FAM177A1: variants seen among roughly 807,000 people sequenced by gnomAD.
FAM177A1 encodes the protein protein FAM177A1.
Under a neutral mutation model 26.1 loss-of-function variants are expected in FAM177A1, and 22 were observed. That is an observed-to-expected ratio of 0.84 (90% CI 0.60 to 1.20). The LOEUF is 1.20. Among genes scored for constraint, FAM177A1 ranks in the 50% most tolerant of loss-of-function variants. The pLI, the probability that FAM177A1 is intolerant of heterozygous loss-of-function variation, is 0.00. For missense variants in FAM177A1, 296 were observed against 291.1 expected (o/e 1.02, Z -0.12); for synonymous variants, 95 against 99.3 (o/e 0.96, Z 0.26).
chr14:35,064,750 A>G (rs893003794), intron 2 of FAM177A1, among the ~76,000 whole-genome samples: 1 of 151,876 alleles, frequency 6.6e-6, no homozygotes, highest in Non-Finnish European at 1.5e-5. Flanking sequence ...TCCCAGGTTC[A>G]CACCATTCTC....
In FAM177A1 at chr14:35,077,985, C is replaced by T. The variant is rs150167241; in HGVS notation, c.406+769C>T. On this transcript the variant is annotated intron_variant, in intron 3 of 4. Transcript: ENST00000280987. ...AAGGAAATGAATTATCAACTTATAACTTAATAATGCTAATTTAAAATATAG... is the reference window on the plus strand; with the variant it reads ...AAGGAAATGAATTATCAACTTATAATTTAATAATGCTAATTTAAAATATAG... Among the ~76,000 whole-genome samples, 421 of 152,258 alleles carry T rather than the reference C, an allele frequency of 2.8e-3. 3 individuals are homozygous for T. The highest frequency in any genetic ancestry group is 9.9e-3 in the African/African-American group (413 of 41,550).
intron 2 of FAM177A1, among the ~76,000 whole-genome samples, chr14:35,057,504 C>T (rs1410672472): frequency 1.3e-5 from 2 of 151,962 alleles, no homozygotes; most frequent in Admixed American, 1.3e-4. Context: ...CTCAGCTTCC[C>T]GAGTAGTTGG....
chr14:35,069,285 G>GTTT (rs61628117), intron 2 of FAM177A1, among the ~76,000 whole-genome samples: 26 of 137,730 alleles, frequency 1.9e-4, no homozygotes, highest in African/African-American at 3.7e-4. Flanking sequence ...ATTGGAGTAG[G>GTTT]TTTTTTTTTT....
chr14:35,065,027 T>C (rs1042630203), intron 2 of FAM177A1, among the ~76,000 whole-genome samples: 3 of 152,116 alleles, frequency 2.0e-5, no homozygotes, highest in Non-Finnish European at 4.4e-5. Context: ...CTGGTTAATT[T>C]TTTATGTACG....
intron 2 of FAM177A1, among the ~76,000 whole-genome samples, chr14:35,058,403 T>C (rs2045095994): frequency 6.6e-6 from 1 of 152,166 alleles, no homozygotes; most frequent in African/African-American, 2.4e-5. Context: ...AGTCTTCAAC[T>C]ATTATTGTTG....
chr14:35,049,408 G>A (rs1256654795), intron 1 of FAM177A1, among the ~76,000 whole-genome samples: 1 of 152,158 alleles, frequency 6.6e-6, no homozygotes, highest in Non-Finnish European at 1.5e-5. Flanking sequence ...TGGGGAAGAT[G>A]ACAAAGAATA....
chr14:35,056,719 G>A (rs1323923809), intron 2 of FAM177A1, among the ~76,000 whole-genome samples: 1 of 152,096 alleles, frequency 6.6e-6, no homozygotes, highest in Non-Finnish European at 1.5e-5. Flanking sequence ...TTCTTTGTGG[G>A]TAGTTTTTTT....
At chr14:35,066,467 G>A (rs61191004) in intron 2 of FAM177A1, among the ~76,000 whole-genome samples, 25,250 of 149,850 alleles carry the variant, frequency 0.17, 2,359 homozygotes, top group East Asian at 0.31. Flanking sequence ...GTGCAGTGGC[G>A]TAATCTCGGC....
intron 1 of FAM177A1, among the ~76,000 whole-genome samples, chr14:35,052,392 T>G (rs927287020): frequency 6.6e-6 from 1 of 152,156 alleles, no homozygotes; most frequent in African/African-American, 2.4e-5. Context: ...CAGCTAATTT[T>G]TTATATTTTT....
At chr14:35,078,773 AG>A (rs1422581560) in intron 3 of FAM177A1, among the ~76,000 whole-genome samples, 153 bp from the exon 4 acceptor site, 2 of 152,260 alleles carry the variant, frequency 1.3e-5, no homozygotes, top group African/African-American at 4.8e-5. Context: ...GAAGAAAATC[AG>A]GGAAGATATA....
chr14:35,070,114 C>CAAAAAAAAAAAAAAAAAAAA, intron 2 of FAM177A1, among the ~76,000 whole-genome samples: 1 of 53,826 alleles, frequency 1.9e-5, no homozygotes, highest in Non-Finnish European at 3.2e-5. Flanking sequence ...GACTCTGTCT[C>CAAAAAAAAAAAAAAAAAAAA]AAAAAAAAAA....
chr14:35,064,911 C>T (rs569367771), intron 2 of FAM177A1, among the ~76,000 whole-genome samples: 33 of 152,144 alleles, frequency 2.2e-4, no homozygotes, highest in Non-Finnish European at 1.3e-4. Context: ...TTCAGCCTCC[C>T]AAAGTGCAAT....
chr14:35,057,458 C>A (rs1481180593), intron 2 of FAM177A1, among the ~76,000 whole-genome samples: 2 of 152,054 alleles, frequency 1.3e-5, no homozygotes, highest in Non-Finnish European at 2.9e-5. Flanking sequence ...TGGCTCACTG[C>A]AACCTCTGCC....
chr14:35,078,869 A>G (rs1451853485), intron 3 of FAM177A1, 58 bp from the exon 4 acceptor site: 2 of 1,259,404 alleles, frequency 1.6e-6, no homozygotes, highest in African/African-American at 3.2e-5. Flanking sequence ...TTACACATAG[A>G]AAGTGCTCAA....
intron 1 of FAM177A1, among the ~76,000 whole-genome samples, chr14:35,049,381 G>T (rs1197270123): frequency 6.6e-6 from 1 of 152,182 alleles, no homozygotes; most frequent in Non-Finnish European, 1.5e-5. Flanking sequence ...CTACCCCCAT[G>T]TTGCTAATAG....
At chr14:35,053,209 T>C in intron 1 of FAM177A1, 69 bp from the exon 2 acceptor site, 1 of 1,442,382 alleles carries the variant, frequency 6.9e-7, no homozygotes, top group Non-Finnish European at 9.5e-7. Context: ...CTACCAAAAG[T>C]TTTTCACGTG....
At chr14:35,053,968 C>T (rs184421115) in intron 2 of FAM177A1, among the ~76,000 whole-genome samples, 8 of 152,066 alleles carry the variant, frequency 5.3e-5, no homozygotes, top group South Asian at 2.1e-4. Flanking sequence ...ACTCCAGCCT[C>T]GGGGACAGAG....
In FAM177A1 at chr14:35,046,578, G is replaced by C; in HGVS notation, c.115G>C (p.Ala39Pro). 6.4e-7 allele frequency: 1 copy of C among 1,566,102 alleles called. No individual in the cohort carries two copies. The highest frequency in any genetic ancestry group is 1.2e-5 in the South Asian group (1 of 84,816). ...VGGVERGEAV[A>P]ASGAAAAAAF... The stretch of plus-strand genomic sequence containing the variant: ...CGGTGTGGAACGAGGAGAAGCCGTC[G>C]CAGCCTCGGGAGCTGCGGCCGCCGC... The change falls in exon 1 of 5, where the codon GCA (alanine) becomes CCA (proline). Residue 39 changes from alanine to proline, a missense_variant. By Grantham distance (27) the Ala-to-Pro change is conservative (BLOSUM62 -1). Transcript: ENST00000280987.
At chr14:35,074,979 T>C (rs539521717) in intron 2 of FAM177A1, among the ~76,000 whole-genome samples, 3 of 152,054 alleles carry the variant, frequency 2.0e-5, no homozygotes, top group African/African-American at 4.8e-5. Context: ...AGAGGTTGCA[T>C]TGAGCTGAGA....
Sources: gnomAD v4.1 joint callset for allele counts (sites outside exome capture counted in the v4.1 genomes callset) on GRCh38, gnomAD v4.1.1 for gene constraint, MANE v1.5 for transcripts, NCBI Gene and HGNC (gene_info 2026-07-23, HGNC 2026-07-21) for gene names.